Variants in ABCC8 observed in about 807,000 individuals in gnomAD.
ABCC8 encodes the protein ATP-binding cassette sub-family C member 8.
A neutral mutation model predicts 188.0 loss-of-function variants in ABCC8; 137 were observed. The observed-to-expected ratio is 0.73, with a 90% CI of 0.63 to 0.84. The LOEUF (loss-of-function observed/expected upper bound fraction) is 0.84. Ranked by LOEUF, ABCC8 falls within the 40% of genes least tolerant of loss-of-function variation. ABCC8 has a pLI of 0.00. For synonymous variants in ABCC8, 797 were observed against 846.5 expected (o/e 0.94, Z 1.01); for missense variants, 1,750 against 2,072.7 (o/e 0.84, Z 3.02).
At chr11:17,448,287 A>T (rs1956617741) in intron 8 of ABCC8, 1 of 549,404 alleles carries the variant, frequency 1.8e-6, no homozygotes, top group South Asian at 2.1e-5. Context: ...CTCCATTTTT[A>T]AAGTCTTAAT....
rs949645934 is a variant in ABCC8, at chr11:17,406,638, T to C, written c.3313A>G (p.Ile1105Val). 4 of 1,614,118 alleles carry C rather than the reference T, an allele frequency of 2.5e-6. No homozygotes were observed. Among genetic ancestry groups the C allele is most frequent in the Non-Finnish European group, 3.4e-6 (4 of 1,179,972 alleles). The change falls in exon 26 of 39, where the codon ATC (isoleucine) becomes GTC (valine). Residue 1105 changes from isoleucine to valine, a missense_variant. Physicochemically the swap from Ile to Val is conservative, Grantham distance 29 (BLOSUM62 3). Coordinates refer to ENST00000389817, the MANE Select transcript of ABCC8 (RefSeq NM_000352.6). ...RLHRSLLNRI[I>V]LAPMRFFETT... The stretch of plus-strand genomic sequence containing the variant: ...GACGGGTACCTCATGGGGGCTAGGA[T>C]GATCCGGTTTAGCAGGCTGCGGTGC...
At chr11:17,471,250 G>C (rs76962017) in intron 2 of ABCC8, among the ~76,000 whole-genome samples, 1 of 152,214 alleles carries the variant, frequency 6.6e-6, no homozygotes, top group Non-Finnish European at 1.5e-5. Context: ...GCAGGCTAGG[G>C]AAGTGATACT....
At chr11:17,421,974 C>T (rs1396160585) in intron 16 of ABCC8, among the ~76,000 whole-genome samples, 1 of 152,234 alleles carries the variant, frequency 6.6e-6, no homozygotes, top group Non-Finnish European at 1.5e-5. Context: ...AGCATCTGAG[C>T]AGCAGCCTGG....
rs1186078878 is a variant in ABCC8 at position 17,433,820 on chromosome 11, GC to G, written c.1631-1577del. Among the ~76,000 whole-genome samples the G allele has an allele frequency of 7.2e-5, 11 of 152,318 alleles. No individual in the cohort carries two copies. The South Asian group carries it at 1.9e-3, about 26-fold the overall frequency. On this transcript the variant is annotated intron_variant, in intron 10 of 38. Transcript: ENST00000389817. The stretch of plus-strand genomic sequence containing the variant: ...GCCCTGGCAGATGGCGAATTTCTCT[GC>G]CCGTGAGGCTTTTAATCAATACCAA...
chr11:17,442,692 C>A, intron 10 of ABCC8, 28 bp downstream of exon 10: 1 of 1,610,552 alleles, frequency 6.2e-7, no homozygotes, highest in South Asian at 1.1e-5. Flanking sequence ...CAGCAGCACC[C>A]AGGGCTGGCT....
At chr11:17,429,998 T>A (rs1437376994) in intron 12 of ABCC8, 1 of 152,518 alleles carries the variant, frequency 6.6e-6, no homozygotes, top group Admixed American at 6.5e-5. Context: ...CAGGGTCCCA[T>A]GAGACAGGGG....
At chr11:17,425,311 G>A (rs958284784) in intron 16 of ABCC8, among the ~76,000 whole-genome samples, 11 of 152,160 alleles carry the variant, frequency 7.2e-5, no homozygotes, top group African/African-American at 2.7e-4. Flanking sequence ...GCCATCTTTT[G>A]GATACACCAT....
Position 17,476,836 on chromosome 11 carries a change from C to T in ABCC8, c.-60G>A, listed in dbSNP as rs751511078. 19 of 1,433,502 alleles carry T rather than the reference C, an allele frequency of 1.3e-5. No homozygotes were observed. The highest frequency in any genetic ancestry group is 5.5e-5 in the Admixed American group (2 of 36,540). The allele number at this position is 1,433,502 out of a possible 1,614,324, so 88.8% of individuals were successfully genotyped here. ...TGGCTCCGCTGGCTCCGCGCGCCTG[C>T]CGCGCCTCTGTCCCTTGCAGCTCCG... On this transcript the variant is annotated 5_prime_UTR_variant, in exon 1 of 39. Transcript: ENST00000389817.
chr11:17,440,286 T>C (rs1224642161), intron 10 of ABCC8, among the ~76,000 whole-genome samples: 2 of 152,152 alleles, frequency 1.3e-5, no homozygotes, highest in Non-Finnish European at 2.9e-5. Flanking sequence ...TCGGCAGCTG[T>C]TCCTACTGCT....
intron 4 of ABCC8, among the ~76,000 whole-genome samples, chr11:17,462,930 C>G (rs73429016): frequency 0.044 from 6,731 of 152,050 alleles, 485 homozygotes; most frequent in African/African-American, 0.15. Context: ...CTAATAAAAA[C>G]AAAGCATGGG....
In ABCC8 at chr11:17,469,839, A is replaced by T. The variant is rs2237968; in HGVS notation, c.412+262T>A. Among the ~76,000 whole-genome samples, 47,201 of 151,476 alleles carry T rather than the reference A, an allele frequency of 0.31. 7,374 individuals carry two copies. Among genetic ancestry groups the T allele is most frequent in the Middle Eastern group, 0.45 (130 of 290 alleles). ...CTGACCATCCTGTGTAGATAGCAAC[A>T]TTGTCATTGCCCCTACCCCTTACTC... On this transcript the variant is annotated intron_variant, in intron 3 of 38. Coordinates refer to ENST00000389817, the MANE Select transcript of ABCC8 (RefSeq NM_000352.6).
chr11:17,397,669 C>T lies in ABCC8; in HGVS notation c.3867+15G>A, dbSNP rs1053455400. 4 of 1,609,796 alleles carry T rather than the reference C, an allele frequency of 2.5e-6. No individual in the cohort carries two copies. In the African/African-American group the frequency reaches 5.3e-5, roughly 21 times the overall value. On this transcript the variant is annotated intron_variant, in intron 31 of 38. Transcript: ENST00000389817. ...GTGTCTGACCCCTCCTCTGCCCTAGCCCACTGCCGCTCACCATTAGGGCGT... is the reference window on the plus strand; with the variant it reads ...GTGTCTGACCCCTCCTCTGCCCTAGTCCACTGCCGCTCACCATTAGGGCGT...
At position 17,414,709 on chromosome 11, in the gene ABCC8, G is replaced by A. The variant is rs1005186221; in HGVS notation, c.2292-99C>T. 1.0e-4 allele frequency: 161 copies of A among 1,580,756 alleles called. No individual in the cohort carries two copies. In the Admixed American group the frequency reaches 2.7e-3, roughly 27 times the overall value. ...GCTGATGGCTCAGATGGAGGCAAGG[G>A]GATGGGGAGGTGCAGTTGGTAGAAA... On this transcript the variant is annotated intron_variant, in intron 18 of 38. Transcript: ENST00000389817.
intron 16 of ABCC8, among the ~76,000 whole-genome samples, chr11:17,421,548 A>AG (rs1955343450): frequency 1.3e-5 from 2 of 152,168 alleles, no homozygotes; most frequent in South Asian, 4.1e-4. Context: ...AGCTCACAAG[A>AG]ATCTTTCCCA....
Position 17,430,939 on chromosome 11 carries a change from G to A in ABCC8, c.1692C>T (p.Ser564=), listed in dbSNP as rs777182988. The A allele has an allele frequency of 1.9e-6, 3 of 1,614,234 alleles. No homozygotes were observed. Among genetic ancestry groups the A allele is most frequent in the Non-Finnish European group, 1.7e-6 (2 of 1,180,032 alleles). Residue 564 remains serine (S), a synonymous_variant, in exon 12 of 39, where the codon AGC becomes AGT. Transcript: ENST00000389817. ...AVLITFVGHV[S]FFKEADFSPS... ...GCGAGAAGTCGGCCTCTTTGAAGAAGCTGACGTGGCCCACGAAAGTCTGTG... is the reference window on the plus strand; with the variant it reads ...GCGAGAAGTCGGCCTCTTTGAAGAAACTGACGTGGCCCACGAAAGTCTGTG...
chr11:17,461,736 A>G lies in ABCC8; in HGVS notation c.669T>C (p.Asn223=). The change falls in exon 5 of 39, where the codon AAT becomes AAC. Residue 223 remains asparagine, a synonymous_variant. Transcript: ENST00000389817. ...ACCAGTAGGTGCCTTTGGACAGCAG[A>G]TTCACGAAGGGCTGCAGGAAGCGTA... The part of the protein sequence containing the change: ...LGVRFLQPFV[N]LLSKGTYWWM... 4 of 1,614,122 alleles carry G rather than the reference A, an allele frequency of 2.5e-6. No homozygotes were observed. The highest frequency in any genetic ancestry group is 3.4e-6 in the Non-Finnish European group (4 of 1,180,018).
In ABCC8 at chr11:17,402,711, G is replaced by C; in HGVS notation, c.3600C>G (p.Leu1200=). The change falls in exon 29 of 39, where the codon CTC becomes CTG. Residue 1200 remains leucine (L), a synonymous_variant. Transcript: ENST00000389817. ...CTTCTACGGTTTCGGCAAAGTGTGAGAGAAGTGGAAGCTGGGTGGTGTCAT... is the reference window on the plus strand; with the variant it reads ...CTTCTACGGTTTCGGCAAAGTGTGACAGAAGTGGAAGCTGGGTGGTGTCAT... The part of the protein sequence containing the change: ...QLDDTTQLPL[L]SHFAETVEGL... 1 of 1,614,236 alleles carries C rather than the reference G, an allele frequency of 6.2e-7. No individual in the cohort carries two copies. The highest frequency in any genetic ancestry group is 1.3e-5 in the African/African-American group (1 of 75,074).
chr11:17,476,507 C>CG (rs990901647), intron 1 of ABCC8, 122 bp downstream of exon 1: 10 of 1,279,714 alleles, frequency 7.8e-6, no homozygotes, highest in Non-Finnish European at 1.1e-5. Flanking sequence ...CAGGGGACCC[C>CG]GGGAACGAGG....
chr11:17,408,711 G>GAA (rs1954658560), intron 22 of ABCC8, 194 bp from the exon 23 acceptor site: 1 of 392,388 alleles, frequency 2.5e-6, no homozygotes, highest in African/African-American at 2.2e-5. Context: ...CCTAGAGTTC[G>GAA]GTACATCTGA....
Sources: allele counts gnomAD v4.1 joint callset (sites outside exome capture counted in the v4.1 genomes callset), GRCh38; gene constraint gnomAD v4.1.1; transcripts MANE v1.5; gene names NCBI Gene and HGNC (gene_info 2026-07-23, HGNC 2026-07-21).